Variants in AFF3 observed in about 807,000 individuals in gnomAD.
AFF3 encodes the protein ALF transcription elongation factor 3, also known as AF4/FMR2 family member 3.
Under a neutral mutation model 129.7 loss-of-function variants are expected in AFF3, and 32 were observed. The observed-to-expected ratio is 0.25, with a 90% CI of 0.19 to 0.33. The LOEUF (loss-of-function observed/expected upper bound fraction) is 0.33. Ranked by LOEUF, AFF3 falls within the 10% of genes least tolerant of loss-of-function variation. AFF3 has a pLI of 1.00. For missense variants in AFF3, 1,373 were observed against 1,592.0 expected (o/e 0.86, Z 2.34); for synonymous variants, 644 against 635.4 (o/e 1.01, Z -0.20).
At chr2:99,958,703 A>C (rs1676907245) in intron 7 of AFF3, among the ~76,000 whole-genome samples, 1 of 152,042 alleles carries the variant, frequency 6.6e-6, no homozygotes. Context: ...GGCCTGAGGA[A>C]ACACACAGTA....
chr2:100,032,778 T>A (rs772983379), intron 4 of AFF3, among the ~76,000 whole-genome samples: 1 of 152,224 alleles, frequency 6.6e-6, no homozygotes, highest in Non-Finnish European at 1.5e-5. Flanking sequence ...CAATTCCATG[T>A]GTATATTTGC....
chr2:99,669,262 G>T (rs1390238304), intron 12 of AFF3, among the ~76,000 whole-genome samples: 10 of 152,172 alleles, frequency 6.6e-5, no homozygotes, highest in Admixed American at 6.5e-4. Flanking sequence ...CCTGTACAAG[G>T]ATGCTGATAA....
At chr2:99,618,030 G>A (rs534665916) in intron 13 of AFF3, among the ~76,000 whole-genome samples, 10 of 152,140 alleles carry the variant, frequency 6.6e-5, no homozygotes, top group African/African-American at 1.4e-4. Context: ...ATTTTGCCCC[G>A]TGAGGCAGGA....
intron 13 of AFF3, among the ~76,000 whole-genome samples, chr2:99,604,792 C>A (rs183028992): frequency 2.0e-3 from 308 of 152,290 alleles, no homozygotes; most frequent in Middle Eastern, 6.8e-3. Flanking sequence ...CTGTCACCCT[C>A]TGGAGTGACA....
chr2:99,682,904 T>C (rs1052589304), intron 11 of AFF3, among the ~76,000 whole-genome samples: 38 of 152,228 alleles, frequency 2.5e-4, no homozygotes, highest in African/African-American at 8.4e-4. Context: ...CCAGGCACCC[T>C]TCTGTGAATA....
chr2:100,031,792 C>A (rs958843142), intron 4 of AFF3, among the ~76,000 whole-genome samples: 5 of 152,186 alleles, frequency 3.3e-5, no homozygotes, highest in African/African-American at 1.2e-4. Flanking sequence ...AAGTATAAAA[C>A]AAATATCCAT....
At chr2:99,821,885 T>C (rs1327616749) in intron 8 of AFF3, among the ~76,000 whole-genome samples, 1 of 152,142 alleles carries the variant, frequency 6.6e-6, no homozygotes, top group Non-Finnish European at 1.5e-5. Context: ...TCACAAGCAA[T>C]CTGCAGCTTC....
intron 8 of AFF3, among the ~76,000 whole-genome samples, chr2:99,758,352 C>T (rs183281683): frequency 2.6e-5 from 4 of 152,026 alleles, no homozygotes; most frequent in East Asian, 1.9e-4. Context: ...GAGGCCAAGG[C>T]GGGAGGGAGG....
intron 4 of AFF3, among the ~76,000 whole-genome samples, chr2:100,039,660 C>T (rs898444620): frequency 7.9e-5 from 12 of 152,198 alleles, no homozygotes; most frequent in Middle Eastern, 3.4e-3. Context: ...TCTTGATGTC[C>T]GGGCTGGCTC....
At chr2:100,118,719 A>G (rs547733901) in intron 2 of AFF3, among the ~76,000 whole-genome samples, 1 of 152,200 alleles carries the variant, frequency 6.6e-6, no homozygotes, top group South Asian at 2.1e-4. Flanking sequence ...CCTATGCCCA[A>G]ATCTTAGCAC....
At chr2:99,924,037 G>T (rs568459393) in intron 7 of AFF3, among the ~76,000 whole-genome samples, 1 of 152,000 alleles carries the variant, frequency 6.6e-6, no homozygotes, top group Admixed American at 6.6e-5. Context: ...ACCTTCCTAT[G>T]AATCGGCCTG....
chr2:99,967,334 A>G (rs1032660080), intron 7 of AFF3, among the ~76,000 whole-genome samples: 5 of 146,208 alleles, frequency 3.4e-5, no homozygotes, highest in Admixed American at 1.4e-4. Flanking sequence ...CCATCTTCAC[A>G]TCTTGCCTGA....
At chr2:99,798,671 A>T (rs911047812) in intron 8 of AFF3, among the ~76,000 whole-genome samples, 3 of 152,024 alleles carry the variant, frequency 2.0e-5, no homozygotes, top group Admixed American at 6.6e-5. Flanking sequence ...CTATATTAAT[A>T]TTAAGGTAGA....
intron 4 of AFF3, among the ~76,000 whole-genome samples, chr2:100,080,794 GAA>G (rs1688985458): frequency 6.6e-6 from 1 of 152,102 alleles, no homozygotes; most frequent in South Asian, 2.1e-4. Context: ...CAAGAAGGTG[GAA>G]ACCTAGGATG....
At chr2:100,125,647 A>G (rs1362094693) in intron 2 of AFF3, among the ~76,000 whole-genome samples, 1 of 151,998 alleles carries the variant, frequency 6.6e-6, no homozygotes, top group Non-Finnish European at 1.5e-5. Context: ...AAAATCTGTA[A>G]TTGTGAAAAC....
intron 4 of AFF3, among the ~76,000 whole-genome samples, chr2:100,088,042 A>G (rs1408997605): frequency 6.7e-6 from 1 of 150,218 alleles, no homozygotes; most frequent in Non-Finnish European, 1.5e-5. Context: ...AAGGGCATCT[A>G]TGAAAAACCA....
chr2:99,927,290 C>T (rs964421630), intron 7 of AFF3, among the ~76,000 whole-genome samples: 1 of 152,202 alleles, frequency 6.6e-6, no homozygotes, highest in Non-Finnish European at 1.5e-5. Flanking sequence ...GTGTCCATTG[C>T]AGCACTATTC....
At chr2:99,793,559 G>A (rs2105458857) in intron 8 of AFF3, among the ~76,000 whole-genome samples, 1 of 152,216 alleles carries the variant, frequency 6.6e-6, no homozygotes, top group African/African-American at 2.4e-5. Context: ...GAATCTATTG[G>A]CATAAAGTTG....
intron 7 of AFF3, among the ~76,000 whole-genome samples, chr2:99,838,079 G>A (rs1017245138): frequency 3.9e-5 from 6 of 152,272 alleles, no homozygotes; most frequent in East Asian, 3.9e-4. Context: ...GGGGCGTCAC[G>A]CTCAAGTCAC....
Sources: allele counts gnomAD v4.1 joint callset (sites outside exome capture counted in the v4.1 genomes callset), GRCh38; gene constraint gnomAD v4.1.1; transcripts MANE v1.5; gene names NCBI Gene and HGNC (gene_info 2026-07-23, HGNC 2026-07-21).